The following BCOR variants were observed in gnomAD, a reference collection of about 807,000 sequenced individuals.
BCOR encodes BCL6 corepressor, also known as BCL-6 corepressor.
Under a neutral mutation model 86.7 loss-of-function variants are expected in BCOR, and 10 were observed. That is an observed-to-expected ratio of 0.12 (90% CI 0.07 to 0.20). BCOR has a LOEUF of 0.20. Ranked by LOEUF, BCOR falls within the 10% of genes least tolerant of loss-of-function variation. The pLI is 1.00. For synonymous variants in BCOR, 611 were observed against 609.0 expected, an observed-to-expected ratio of 1.00 and a Z score of -0.05; for missense variants, 1,259 against 1,452.1, an observed-to-expected ratio of 0.87 and a Z score of 2.16.
intron 14 of BCOR, among the ~76,000 whole-genome samples, chrX:40,053,136 G>C (rs778119335): frequency 3.8e-4 from 42 of 111,818 alleles, no homozygotes; most frequent in Non-Finnish European, 3.8e-4. Context: ...AACACACAAG[G>C]CTGTCTCTCC....
intron 10 of BCOR, among the ~76,000 whole-genome samples, chrX:40,057,545 G>A (rs1194648929): frequency 2.7e-5 from 3 of 111,792 alleles, no homozygotes; most frequent in Non-Finnish European, 3.8e-5. Flanking sequence ...GGCCCTGGGC[G>A]AGTTATGCTC....
chrX:40,119,846 AAAT>A (rs1569185209), intron 1 of BCOR, among the ~76,000 whole-genome samples: 1 of 110,831 alleles, frequency 9.0e-6, no homozygotes, highest in Non-Finnish European at 1.9e-5. Flanking sequence ...AACTAAAAAA[AAAT>A]AATAAACCAG....
chrX:40,114,043 T>C (rs1937355630), intron 1 of BCOR, among the ~76,000 whole-genome samples: 1 of 111,720 alleles, frequency 9.0e-6, no homozygotes, highest in Non-Finnish European at 1.9e-5. Flanking sequence ...GGTCTCGAAC[T>C]CCTGACCTCA....
At chrX:40,160,111 C>CTTT (rs748741460) in intron 1 of BCOR, among the ~76,000 whole-genome samples, 1 of 104,664 alleles carries the variant, frequency 9.6e-6, no homozygotes, top group African/African-American at 3.5e-5. Context: ...ACATGGATTA[C>CTTT]TTTTTTTTTT....
intron 1 of BCOR, among the ~76,000 whole-genome samples, chrX:40,139,369 TATATATATATATATAATATATATAC>T (rs1937760804): frequency 1.9e-5 from 1 of 52,229 alleles, no homozygotes; most frequent in African/African-American, 5.8e-5. Flanking sequence ...AAATTTAAAA[TATATATATATATATAATATATATAC>T]ATATATATAT....
intron 1 of BCOR, among the ~76,000 whole-genome samples, chrX:40,151,695 G>C (rs894628076): frequency 8.9e-6 from 1 of 112,811 alleles, no homozygotes; most frequent in Middle Eastern, 4.6e-3. Context: ...GAACGGTTGC[G>C]ATCTAGAAAA....
intron 10 of BCOR, among the ~76,000 whole-genome samples, chrX:40,058,641 C>T (rs1934716428): frequency 8.9e-6 from 1 of 112,121 alleles, no homozygotes; most frequent in South Asian, 3.7e-4. Flanking sequence ...CCCCTGTGAA[C>T]CTAAGGCTGC....
chrX:40,062,446 C>T, intron 9 of BCOR, 53 bp from the exon 10 acceptor site: 12 of 1,170,003 alleles, frequency 1.0e-5, no homozygotes, highest in South Asian at 1.9e-5. Context: ...TTCTAACAGC[C>T]GCTGCTTCCC....
chrX:40,124,582 G>T (rs916170301), intron 1 of BCOR, among the ~76,000 whole-genome samples: 1 of 109,204 alleles, frequency 9.2e-6, no homozygotes, highest in Non-Finnish European at 1.9e-5. Flanking sequence ...TTTTAAAAAG[G>T]TTTTAAAATC....
intron 1 of BCOR, among the ~76,000 whole-genome samples, chrX:40,094,217 TCA>T (rs1434142591): frequency 3.6e-5 from 4 of 111,378 alleles, no homozygotes; most frequent in Non-Finnish European, 5.7e-5. Context: ...CACTCGCAGC[TCA>T]CAGAGTCTGC....
Position 40,062,742 on chromosome X carries a change from G to A in BCOR, c.4173+4C>T, listed in dbSNP as rs1409718727. 1 of 1,207,698 alleles carries A rather than the reference G, an allele frequency of 8.3e-7. No homozygotes were observed. The highest frequency in any genetic ancestry group is 1.8e-5 in the South Asian group (1 of 56,605). The stretch of plus-strand genomic sequence containing the variant: ...CCCAGAGGGAAGCCGGGGTCAAGAG[G>A]TACCTTGCCATCGGCATTCTCCACG... On this transcript the variant is annotated splice_donor_region_variant and intron_variant, in intron 9 of 14. Transcript: ENST00000378444.
intron 1 of BCOR, among the ~76,000 whole-genome samples, chrX:40,090,978 C>T (rs756654800): frequency 9.0e-5 from 10 of 110,572 alleles, no homozygotes; most frequent in African/African-American, 3.3e-4. Flanking sequence ...GCAAAATTGT[C>T]TTTTTATAAC....
chrX:40,142,592 C>T (rs945861022), intron 1 of BCOR, among the ~76,000 whole-genome samples: 1 of 111,647 alleles, frequency 9.0e-6, no homozygotes, highest in African/African-American at 3.3e-5. Flanking sequence ...AGCTCCTGTG[C>T]GTGAGGGGGC....
At chrX:40,146,455 G>GC (rs1938057852) in intron 1 of BCOR, 1 of 112,386 alleles carries the variant, frequency 8.9e-6, no homozygotes, top group Non-Finnish European at 1.9e-5. Flanking sequence ...CGGGAAGCGA[G>GC]CGAGGCACAG....
intron 1 of BCOR, among the ~76,000 whole-genome samples, chrX:40,114,756 A>G (rs1186264516): frequency 9.0e-6 from 1 of 110,512 alleles, no homozygotes; most frequent in Non-Finnish European, 1.9e-5. Context: ...TTTATTAAGG[A>G]CCTTTGTTCA....
At chrX:40,153,646 C>T (rs1938218490) in intron 1 of BCOR, among the ~76,000 whole-genome samples, 1 of 111,757 alleles carries the variant, frequency 8.9e-6, no homozygotes, top group African/African-American at 3.3e-5. Context: ...TTTCTAACTT[C>T]CTCTAAACCT....
At chrX:40,086,215 C>A (rs1374223310) in intron 1 of BCOR, among the ~76,000 whole-genome samples, 1 of 111,284 alleles carries the variant, frequency 9.0e-6, no homozygotes, top group Non-Finnish European at 1.9e-5. Flanking sequence ...ACACAGCACC[C>A]GCCTGTCTCT....
intron 1 of BCOR, among the ~76,000 whole-genome samples, chrX:40,106,073 G>A (rs1262648727): frequency 8.9e-6 from 1 of 111,835 alleles, no homozygotes; most frequent in African/African-American, 3.3e-5. Flanking sequence ...GTCGGCTGCG[G>A]GGCTCGGACT....
chrX:40,100,751 G>A (rs1937057733), upstream of BCOR, among the ~76,000 whole-genome samples: 1 of 108,185 alleles, frequency 9.2e-6, no homozygotes. Flanking sequence ...GAGTTAAAAT[G>A]AACAGGGGTG....
Sources: allele counts gnomAD v4.1 joint callset (sites outside exome capture counted in the v4.1 genomes callset), GRCh38; gene constraint gnomAD v4.1.1; transcripts MANE v1.5; gene names NCBI Gene and HGNC (gene_info 2026-07-23, HGNC 2026-07-21).